The following TAFA2 variants were observed in gnomAD, a reference collection of about 807,000 sequenced individuals.
TAFA2 encodes TAFA chemokine like family member 2.
A neutral mutation model predicts 18.8 loss-of-function variants in TAFA2; 7 were observed. The observed-to-expected ratio is 0.37, with a 90% CI of 0.21 to 0.70. The LOEUF is 0.70. TAFA2 is among the 30% of genes least tolerant of loss of function. The probability of loss-of-function intolerance (pLI) is 0.53; values close to 1 mark genes in which losing one functional copy is unlikely to be tolerated. For synonymous variants in TAFA2, 60 were observed against 54.2 expected (o/e 1.11, Z -0.47); for missense variants, 122 against 158.1 (o/e 0.77, Z 1.23).
intron 1 of TAFA2, among the ~76,000 whole-genome samples, chr12:62,223,235 AT>A: frequency 6.6e-6 from 1 of 152,194 alleles, no homozygotes; most frequent in Non-Finnish European, 1.5e-5. Flanking sequence ...GTGCAGGGGC[AT>A]GATCATGGCT....
At chr12:62,245,127 T>C (rs1057355807) in intron 1 of TAFA2, among the ~76,000 whole-genome samples, 2 of 152,100 alleles carry the variant, frequency 1.3e-5, no homozygotes, top group Non-Finnish European at 2.9e-5. Flanking sequence ...TTCTAAAAAT[T>C]TTAAGTTGTT....
intron 1 of TAFA2, among the ~76,000 whole-genome samples, chr12:62,235,723 C>A (rs1337989514): frequency 6.6e-6 from 1 of 152,076 alleles, no homozygotes. Context: ...TTTAGTGGAT[C>A]TATTTTAGGT....
At chr12:62,252,946 G>A (rs1330002038) in intron 1 of TAFA2, 1 of 152,162 alleles carries the variant, frequency 6.6e-6, no homozygotes, top group Non-Finnish European at 1.5e-5. Flanking sequence ...TTCTAATCAA[G>A]ATGAATCATT....
At chr12:61,767,036 T>A in intron 2 of TAFA2, among the ~76,000 whole-genome samples, 1 of 152,112 alleles carries the variant, frequency 6.6e-6, no homozygotes, top group East Asian at 1.9e-4. Context: ...ATCTGTGGGA[T>A]AAAGTTGGTG....
chr12:62,136,190 T>C (rs1012934197), intron 1 of TAFA2, among the ~76,000 whole-genome samples: 1 of 152,138 alleles, frequency 6.6e-6, no homozygotes, highest in Non-Finnish European at 1.5e-5. Context: ...TATATTTACT[T>C]TCATCAGTTT....
intron 1 of TAFA2, among the ~76,000 whole-genome samples, chr12:62,186,531 T>C (rs1367874166): frequency 6.6e-6 from 1 of 152,138 alleles, no homozygotes; most frequent in Non-Finnish European, 1.5e-5. Flanking sequence ...CTGTAGAGTT[T>C]CCAAAATCTA....
intron 1 of TAFA2, chr12:61,879,906 T>C: frequency 1.1e-6 from 1 of 911,888 alleles, no homozygotes; most frequent in Non-Finnish European, 1.8e-6. Context: ...GAATTTGTCC[T>C]CATCGAGAAG....
intron 1 of TAFA2, among the ~76,000 whole-genome samples, chr12:62,204,597 T>G (rs574959880): frequency 1.3e-5 from 2 of 152,300 alleles, no homozygotes; most frequent in African/African-American, 2.4e-5. Context: ...GCTCTGAAAT[T>G]TTTTCGTCTG....
chr12:62,057,896 C>A (rs1882227777), intron 1 of TAFA2, among the ~76,000 whole-genome samples: 1 of 152,114 alleles, frequency 6.6e-6, no homozygotes. Flanking sequence ...CTCACCATTC[C>A]CTCTTGCATT....
chr12:61,783,843 A>T (rs995875315), intron 2 of TAFA2, among the ~76,000 whole-genome samples: 3 of 151,652 alleles, frequency 2.0e-5, no homozygotes, highest in African/African-American at 7.2e-5. Flanking sequence ...AAGGATAAGC[A>T]GCATGCTCTT....
chr12:61,790,114 A>G (rs560140324), intron 2 of TAFA2, among the ~76,000 whole-genome samples: 32 of 151,890 alleles, frequency 2.1e-4, no homozygotes, highest in African/African-American at 6.5e-4. Context: ...GAAGGACAAA[A>G]CAATATGACA....
chr12:62,011,652 A>G (rs527949730), intron 1 of TAFA2, among the ~76,000 whole-genome samples: 2 of 150,964 alleles, frequency 1.3e-5, no homozygotes, highest in Admixed American at 6.6e-5. Flanking sequence ...CCAGAGACCT[A>G]TGTTCATGTG....
intron 1 of TAFA2, among the ~76,000 whole-genome samples, chr12:62,170,436 T>C (rs1481065059): frequency 2.6e-5 from 4 of 152,166 alleles, no homozygotes; most frequent in African/African-American, 4.8e-5. Flanking sequence ...GTTTTGAAAC[T>C]TGTCCAACTT....
At chr12:61,878,264 C>T (rs938860661) in intron 1 of TAFA2, 1 of 298,550 alleles carries the variant, frequency 3.3e-6, no homozygotes, top group South Asian at 2.8e-5. Context: ...GTACTTAATG[C>T]TGCTGAATTG....
Position 62,123,772 on chromosome 12 carries a change from C to CCACA in TAFA2, c.-2+67483_-2+67486dup, listed in dbSNP as rs369871302. On this transcript the variant is annotated intron_variant, in intron 1 of 4. Transcript: ENST00000416284. Reference sequence around the variant, plus strand: ...CCCACATATTCTCAAATCTCCCCCACCACACACATACACACACACACACAC... The same window carrying CCACA: ...CCCACATATTCTCAAATCTCCCCCACCACACACACACATACACACACACACACAC... 6.6e-3 allele frequency among the ~76,000 whole-genome samples: 458 copies of CCACA among 69,066 alleles called. 6 individuals are homozygous for CCACA. The highest frequency in any genetic ancestry group is 0.035 in the East Asian group (110 of 3,166). The allele number at this position is 69,066 out of a possible 152,430, so 45.3% of individuals were successfully genotyped here.
intron 4 of TAFA2, among the ~76,000 whole-genome samples, chr12:61,723,586 C>T (rs1018847681): frequency 1.6e-4 from 24 of 152,196 alleles, no homozygotes; most frequent in African/African-American, 5.8e-4. Flanking sequence ...ATTATAGATA[C>T]ACATGGGTCC....
intron 1 of TAFA2, among the ~76,000 whole-genome samples, chr12:61,932,163 C>T (rs138568436): frequency 3.1e-4 from 47 of 152,104 alleles, no homozygotes; most frequent in African/African-American, 1.1e-3. Context: ...AGGGAGAAAA[C>T]CAGATTTTAG....
chr12:61,996,574 T>A (rs1880194614), intron 1 of TAFA2, among the ~76,000 whole-genome samples: 1 of 152,152 alleles, frequency 6.6e-6, no homozygotes, highest in African/African-American at 2.4e-5. Flanking sequence ...TGTACAATTC[T>A]CCAATGTACT....
At chr12:61,784,290 T>C (rs1221765837) in intron 2 of TAFA2, among the ~76,000 whole-genome samples, 1 of 151,530 alleles carries the variant, frequency 6.6e-6, no homozygotes, top group Non-Finnish European at 1.5e-5. Context: ...GAGTAGGGTC[T>C]GAGAAGTTGT....
Sources: allele counts gnomAD v4.1 joint callset (sites outside exome capture counted in the v4.1 genomes callset), GRCh38; gene constraint gnomAD v4.1.1; transcripts MANE v1.5; gene names NCBI Gene and HGNC (gene_info 2026-07-23, HGNC 2026-07-21).